The following CTSH variants were observed in gnomAD, a reference collection of about 807,000 sequenced individuals.
The protein encoded by CTSH is cathepsin H.
A neutral mutation model predicts 56.3 loss-of-function variants in CTSH; 52 were observed. The ratio of observed to expected loss-of-function variants is 0.92; its 90% CI spans 0.74 to 1.16. The LOEUF is 1.16. Ranked by LOEUF, CTSH falls within the 50% of genes most tolerant of loss-of-function variation. CTSH has a pLI of 0.00. For missense variants in CTSH, 406 were observed against 424.5 expected (o/e 0.96, Z 0.38); for synonymous variants, 174 against 155.7 (o/e 1.12, Z -0.88).
At chr15:78,934,836 G>C in intron 5 of CTSH, 142 bp downstream of exon 5, 3 of 719,632 alleles carry the variant, frequency 4.2e-6, no homozygotes, top group Admixed American at 2.0e-5. Flanking sequence ...CTCAAAGGAA[G>C]AGGGCTGGAG....
intron 9 of CTSH, chr15:78,926,676 G>A (rs936396299): frequency 2.6e-5 from 4 of 152,218 alleles, no homozygotes; most frequent in Non-Finnish European, 4.4e-5. Flanking sequence ...AAGGCAATGA[G>A]CCCTGGTTCT....
In CTSH at chr15:78,939,135, C is replaced by T. The variant is rs750176407; in HGVS notation, c.123+5G>A. The stretch of plus-strand genomic sequence containing the variant: ...AACTTCAAAAAGAAGAAGTTGGGCA[C>T]TGACCTTAGACATCCATGACTTGAA... On this transcript the variant is annotated splice_donor_5th_base_variant and intron_variant, in intron 2 of 11. Coordinates refer to ENST00000220166, the MANE Select transcript of CTSH (RefSeq NM_004390.5). 3.1e-6 allele frequency: 5 copies of T among 1,597,432 alleles called. No homozygotes were observed. The highest frequency in any genetic ancestry group is 1.4e-5 in the African/African-American group (1 of 73,974).
intron 10 of CTSH, among the ~76,000 whole-genome samples, chr15:78,924,221 A>T: frequency 6.7e-6 from 1 of 150,050 alleles, no homozygotes. Flanking sequence ...AACGGCGGGG[A>T]CGGGTTTGAT....
rs531068409 is a variant in CTSH, at chr15:78,934,728, C to G, written c.405+250G>C. 8.5e-5 allele frequency: 46 copies of G among 538,138 alleles called. 1 individual carries two copies. The highest frequency in any genetic ancestry group is 8.3e-4 in the South Asian group (44 of 53,138). 33.3% of individuals were successfully genotyped at this position (538,138 alleles called of 1,614,324 possible). On this transcript the variant is annotated intron_variant, in intron 5 of 11. Coordinates refer to ENST00000220166, the MANE Select transcript of CTSH (RefSeq NM_004390.5). ...AGAGACCTGGGACCAATGGGAAAATCTGGGGCGTGGGGAAGGAAGGGAGTA... is the reference window on the plus strand; with the variant it reads ...AGAGACCTGGGACCAATGGGAAAATGTGGGGCGTGGGGAAGGAAGGGAGTA...
At chr15:78,931,392 T>TTCGACAG in intron 7 of CTSH, 59 bp downstream of exon 7, 1 of 1,608,074 alleles carries the variant, frequency 6.2e-7, no homozygotes, top group Non-Finnish European at 8.5e-7. Context: ...CACTGGATCC[T>TTCGACAG]GTCGAAGCGG....
intron 9 of CTSH, 110 bp downstream of exon 9, chr15:78,927,603 G>A (rs2054939320): frequency 1.1e-5 from 10 of 913,904 alleles, no homozygotes; most frequent in Non-Finnish European, 1.8e-5. Flanking sequence ...TCGTCAAAGG[G>A]ATGTGCTGCC....
chr15:78,944,490 C>T (rs547803591), intron 1 of CTSH: 55 of 166,300 alleles, frequency 3.3e-4, no homozygotes, highest in African/African-American at 1.1e-3. Flanking sequence ...CCCTGTGTGC[C>T]AAGTCCCGGG....
chr15:78,934,199 G>A (rs1375801186), intron 5 of CTSH, among the ~76,000 whole-genome samples: 2 of 152,218 alleles, frequency 1.3e-5, no homozygotes, highest in East Asian at 1.9e-4. Flanking sequence ...AGGCTTTAAA[G>A]CTGTGCTGCA....
chr15:78,942,909 G>A (rs923436224), intron 1 of CTSH, among the ~76,000 whole-genome samples: 1 of 152,190 alleles, frequency 6.6e-6, no homozygotes, highest in African/African-American at 2.4e-5. Flanking sequence ...CTGTTCCAGA[G>A]ACCAATCTAT....
At chr15:78,943,976 C>G (rs1453457741) in intron 1 of CTSH, among the ~76,000 whole-genome samples, 1 of 152,094 alleles carries the variant, frequency 6.6e-6, no homozygotes. Context: ...TGAGGCAACC[C>G]TCTGGCCCAG....
At chr15:78,924,987 C>T (rs7182836) in intron 10 of CTSH, among the ~76,000 whole-genome samples, 15,807 of 151,288 alleles carry the variant, frequency 0.1, 908 homozygotes, top group East Asian at 0.27. Context: ...TGAGCCACCA[C>T]GCCTGGCCTG....
chr15:78,935,459 A>G (rs1281783244), intron 4 of CTSH, among the ~76,000 whole-genome samples: 1 of 152,262 alleles, frequency 6.6e-6, no homozygotes, highest in Non-Finnish European at 1.5e-5. Context: ...CTATATTTTA[A>G]TCTGGTAGCC....
chr15:78,942,675 A>G (rs2055320827), intron 1 of CTSH, among the ~76,000 whole-genome samples: 1 of 152,172 alleles, frequency 6.6e-6, no homozygotes, highest in South Asian at 2.1e-4. Context: ...CCATGGGTTC[A>G]GGTTCAGATT....
At position 78,924,159 on chromosome 15, in the gene CTSH, C is replaced by T. The variant is rs1448729168; in HGVS notation, c.807-1041G>A. On this transcript the variant is annotated intron_variant, in intron 10 of 11. Transcript: ENST00000220166. ...AGGCTCCCTGTGGAGGCGGGGAACG[C>T]CCATGGAACTGCGAACCCTTCTGCG... Among the ~76,000 whole-genome samples, 5 of 149,162 alleles carry T rather than the reference C, an allele frequency of 3.4e-5. 1 individual carries two copies. The highest frequency in any genetic ancestry group is 7.5e-5 in the African/African-American group (3 of 40,184).
At chr15:78,932,553 C>T in intron 5 of CTSH, 95 bp from the exon 6 acceptor site, 2 of 909,946 alleles carry the variant, frequency 2.2e-6, no homozygotes, top group East Asian at 5.1e-5. Context: ...TGCCAGAGCT[C>T]CCGAGTCCCC....
chr15:78,921,870 A>G lies in CTSH; in HGVS notation c.*260T>C. On this transcript the variant is annotated 3_prime_UTR_variant, in exon 12 of 12. Transcript: ENST00000220166. ...AGTAGCCCTTCTGGACAGAAAGAAT[A>G]TTCGTGGTCCATGTGGTTTGAGTCT... The G allele has an allele frequency of 2.0e-6, 1 of 511,964 alleles. No individual in the cohort carries two copies. Among genetic ancestry groups the G allele is most frequent in the Non-Finnish European group, 3.5e-6 (1 of 286,944 alleles). 31.7% of individuals were successfully genotyped at this position (511,964 alleles called of 1,614,324 possible). A position where few individuals can be genotyped will look rare whatever the true frequency, so the allele number is the denominator to read the frequency against.
At chr15:78,931,341 C>G (rs941000784) in intron 7 of CTSH, 110 bp downstream of exon 7, 23 of 1,438,736 alleles carry the variant, frequency 1.6e-5, no homozygotes, top group Admixed American at 1.2e-4. Context: ...TTGCCATCGC[C>G]CAGGGCAGTG....
At chr15:78,929,390 G>C (rs372585928) in intron 8 of CTSH, 22 bp downstream of exon 8, 2 of 1,591,234 alleles carry the variant, frequency 1.3e-6, no homozygotes, top group African/African-American at 2.7e-5. Context: ...CAAGAAGACA[G>C]AGTGGAGGCT....
intron 1 of CTSH, 184 bp downstream of exon 1, chr15:78,944,707 C>T (rs1159779496): frequency 2.5e-6 from 3 of 1,196,028 alleles, no homozygotes; most frequent in Non-Finnish European, 3.3e-6. Flanking sequence ...GCCGCCCACC[C>T]TCCGAGAACC....
Sources: allele counts gnomAD v4.1 joint callset (sites outside exome capture counted in the v4.1 genomes callset), GRCh38; gene constraint gnomAD v4.1.1; transcripts MANE v1.5; gene names NCBI Gene and HGNC (gene_info 2026-07-23, HGNC 2026-07-21).